DSG2: variants seen among roughly 807,000 people sequenced by gnomAD.
DSG2 encodes the protein desmoglein-2.
DSG2 carries 45 observed loss-of-function variants against 75.6 expected under a neutral mutation model. The ratio of observed to expected loss-of-function variants is 0.60; its 90% CI spans 0.47 to 0.76. DSG2 has a LOEUF of 0.76. DSG2 is among the 30% of genes least tolerant of loss of function. The pLI is 0.00. For synonymous variants in DSG2, 429 were observed against 483.9 expected, an observed-to-expected ratio of 0.89 and a Z score of 1.49; for missense variants, 1,267 against 1,357.4, an observed-to-expected ratio of 0.93 and a Z score of 1.05.
Position 31,502,127 on chromosome 18 carries a change from G to A in DSG2, c.45+3831G>A, listed in dbSNP as rs150002828. Among the ~76,000 whole-genome samples, 876 of 152,170 alleles carry A rather than the reference G, an allele frequency of 5.8e-3. 2 individuals are homozygous for A. Among genetic ancestry groups the A allele is most frequent in the Middle Eastern group, 0.01 (3 of 294 alleles). On this transcript the variant is annotated intron_variant, in intron 1 of 14. Coordinates refer to ENST00000261590, the MANE Select transcript of DSG2 (RefSeq NM_001943.5). Reference sequence around the variant, plus strand: ...AAATTTTCTTTAATTATAACTTAAGGCAAGTACTTTACAAAGAGATATGAG... The same window carrying A: ...AAATTTTCTTTAATTATAACTTAAGACAAGTACTTTACAAAGAGATATGAG...
rs1012080257 is a variant in DSG2, at chr18:31,541,311, C to T, written c.1998C>T (p.Asp666=). 5 of 1,614,028 alleles carry T rather than the reference C, an allele frequency of 3.1e-6. No homozygotes were observed. The highest frequency in any genetic ancestry group is 4.2e-6 in the Non-Finnish European group (5 of 1,179,954). The change falls in exon 13 of 15, where the codon GAC becomes GAT. Residue 666 remains aspartate, a synonymous_variant. Coordinates refer to ENST00000261590, the MANE Select transcript of DSG2 (RefSeq NM_001943.5). ...PWNNEGAPPE[D]KVVPSFLPVD... is the part of the protein sequence containing the mutation. ...ATAATGAAGGAGCACCACCTGAAGA[C>T]AAGGTCAGTGGATCAGATGTCAATA... is the stretch of plus-strand genomic sequence containing the variant.
At chr18:31,540,612 G>A (rs57544962) in intron 12 of DSG2, among the ~76,000 whole-genome samples, 3,281 of 152,278 alleles carry the variant, frequency 0.022, 103 homozygotes, top group African/African-American at 0.068. Flanking sequence ...ACATAAAAAC[G>A]AATCTAGGCA....
Position 31,524,890 on chromosome 18 carries a change from TAA to T in DSG2, c.1014+3_1014+4del, listed in dbSNP as rs1453481938. ...GAAGGAATTGTGACCCTTATTAAGG[TAA>T]GTACTAAGTATTCAAAACTGGCGTG... On this transcript the variant is annotated splice_donor_region_variant and intron_variant, in intron 8 of 14. Coordinates refer to ENST00000261590, the MANE Select transcript of DSG2 (RefSeq NM_001943.5). 2 of 1,613,964 alleles carry T rather than the reference TAA, an allele frequency of 1.2e-6. No individual in the cohort carries two copies. The highest frequency in any genetic ancestry group is 2.7e-5 in the African/African-American group (2 of 74,936).
At chr18:31,518,058 C>T (rs919015362) in intron 1 of DSG2, among the ~76,000 whole-genome samples, 181 bp from the exon 2 acceptor site, 2 of 152,120 alleles carry the variant, frequency 1.3e-5, no homozygotes, top group Admixed American at 6.5e-5. Flanking sequence ...GATTTCTCCT[C>T]GGGCACTTCC....
rs2144341392 is a variant in DSG2 at position 31,536,230 on chromosome 18, A to G, written c.1452A>G (p.Thr484=). 3 of 1,614,206 alleles carry G rather than the reference A, an allele frequency of 1.9e-6. No homozygotes were observed. Among genetic ancestry groups the G allele is most frequent in the Non-Finnish European group, 2.5e-6 (3 of 1,180,038 alleles). Residue 484 remains threonine, a synonymous_variant, in exon 11 of 15, where the codon ACA becomes ACG. Coordinates refer to ENST00000261590, the MANE Select transcript of DSG2 (RefSeq NM_001943.5). The part of the protein sequence containing the change: ...EDYPRKTITG[T]VLINVEDIND... ...ATCCTAGAAAAACCATCACTGGCAC[A>G]GTCCTTATCAATGTTGAAGACATCA... is the stretch of plus-strand genomic sequence containing the variant.
chr18:31,508,603 A>G (rs2073051181), intron 1 of DSG2, among the ~76,000 whole-genome samples: 1 of 152,032 alleles, frequency 6.6e-6, no homozygotes, highest in Admixed American at 6.6e-5. Context: ...CATGTTGGCC[A>G]GGTTAGTCTT....
At position 31,536,399 on chromosome 18, in the gene DSG2, G is replaced by A. The variant is rs1391863468; in HGVS notation, c.1621G>A (p.Ala541Thr). Reference protein sequence around the residue: ...FSVIDKPPGMAEKWKIARQES... With the variant: ...FSVIDKPPGMTEKWKIARQES... ...CGTCATTGACAAACCACCTGGCATGGCAGAAAAATGGAAAATAGCACGCCA... is the reference window on the plus strand; with the variant it reads ...CGTCATTGACAAACCACCTGGCATGACAGAAAAATGGAAAATAGCACGCCA... Residue 541 changes from alanine (A) to threonine (T), a missense_variant, in exon 11 of 15, where the codon GCA (alanine) becomes ACA (threonine). Coordinates refer to ENST00000261590, the MANE Select transcript of DSG2 (RefSeq NM_001943.5). 6.2e-7 allele frequency: 1 copy of A among 1,613,990 alleles called. No individual in the cohort carries two copies. The highest frequency in any genetic ancestry group is 2.2e-5 in the East Asian group (1 of 44,876).
At chr18:31,523,108 A>G (rs2073138857) in intron 6 of DSG2, among the ~76,000 whole-genome samples, 2 of 152,208 alleles carry the variant, frequency 1.3e-5, no homozygotes, top group Non-Finnish European at 2.9e-5. Flanking sequence ...AGTATTTCTT[A>G]GAGAAATGAT....
intron 9 of DSG2, among the ~76,000 whole-genome samples, chr18:31,531,954 T>C (rs753334667): frequency 6.6e-6 from 1 of 152,184 alleles, no homozygotes; most frequent in Non-Finnish European, 1.5e-5. Context: ...AGAGCTGTTA[T>C]TTATGGAGCT....
chr18:31,510,749 G>A (rs1336828882), intron 1 of DSG2, among the ~76,000 whole-genome samples: 1 of 152,162 alleles, frequency 6.6e-6, no homozygotes, highest in Non-Finnish European at 1.5e-5. Flanking sequence ...AGCTTTTGCA[G>A]AATTTTTTGG....
intron 8 of DSG2, among the ~76,000 whole-genome samples, chr18:31,529,945 C>T (rs1313325210): frequency 1.3e-5 from 2 of 151,964 alleles, no homozygotes; most frequent in Admixed American, 1.3e-4. Flanking sequence ...TATAGAATGA[C>T]TGTCTATATC....
chr18:31,515,149 C>T (rs1367232715), intron 1 of DSG2, among the ~76,000 whole-genome samples: 2 of 152,140 alleles, frequency 1.3e-5, no homozygotes, highest in Admixed American at 1.3e-4. Flanking sequence ...GTCGCCCAGA[C>T]TAGAGTGCAG....
chr18:31,525,804 G>A (rs2073159621), intron 8 of DSG2, among the ~76,000 whole-genome samples: 1 of 152,096 alleles, frequency 6.6e-6, no homozygotes. Context: ...GTCAATGGAG[G>A]GAAAATTGAA....
chr18:31,531,372 G>A, intron 9 of DSG2, 120 bp downstream of exon 9: 2 of 1,227,562 alleles, frequency 1.6e-6, no homozygotes, highest in South Asian at 1.5e-5. Flanking sequence ...GTTCCCCAAA[G>A]GTCTACAAGT....
In DSG2 at chr18:31,546,294, C is replaced by T. The variant is rs758058872; in HGVS notation, c.2908C>T (p.Pro970Ser). 1.2e-6 allele frequency: 2 copies of T among 1,602,312 alleles called. No individual in the cohort carries two copies. The highest frequency in any genetic ancestry group is 2.2e-5 in the East Asian group (1 of 44,726). ...SLIVTERVYA[P>S]ASTLVDQPYA... ...TATTGTGACAGAGAGGGTGTATGCTCCAGCTTCTACCTTGGTAGATCAGCC... is the reference window on the plus strand; with the variant it reads ...TATTGTGACAGAGAGGGTGTATGCTTCAGCTTCTACCTTGGTAGATCAGCC... The change falls in exon 15 of 15, where the codon CCA (proline) becomes TCA (serine). Residue 970 changes from proline to serine, a missense_variant. By Grantham distance (74) the Pro-to-Ser change is moderately conservative. Transcript: ENST00000261590.
At chr18:31,540,807 G>A (rs1342751127) in intron 12 of DSG2, among the ~76,000 whole-genome samples, 1 of 152,006 alleles carries the variant, frequency 6.6e-6, no homozygotes, top group African/African-American at 2.4e-5. Flanking sequence ...TCTAATTACT[G>A]TTTTCAATAG....
chr18:31,521,720 G>C (rs1029122180), intron 5 of DSG2, among the ~76,000 whole-genome samples: 1 of 152,182 alleles, frequency 6.6e-6, no homozygotes, highest in African/African-American at 2.4e-5. Context: ...TTTTGACCAT[G>C]ATGTAAGGAA....
chr18:31,500,010 G>A (rs1410320084), intron 1 of DSG2, among the ~76,000 whole-genome samples: 1 of 136,434 alleles, frequency 7.3e-6, no homozygotes, highest in Non-Finnish European at 1.5e-5. Flanking sequence ...TTTACCCCCA[G>A]TGTGTTTGCA....
chr18:31,533,337 A>G (rs1200612576), intron 9 of DSG2, among the ~76,000 whole-genome samples: 1 of 152,136 alleles, frequency 6.6e-6, no homozygotes, highest in Non-Finnish European at 1.5e-5. Flanking sequence ...TTAGCCAGGC[A>G]TGGTGGCACA....
Sources: allele counts gnomAD v4.1 joint callset (sites outside exome capture counted in the v4.1 genomes callset), GRCh38; gene constraint gnomAD v4.1.1; transcripts MANE v1.5; gene names NCBI Gene and HGNC (gene_info 2026-07-23, HGNC 2026-07-21).